Variants in ATRNL1 observed in about 807,000 individuals in gnomAD.
ATRNL1 encodes attractin like 1.
A neutral mutation model predicts 182.7 loss-of-function variants in ATRNL1; 95 were observed. That is an observed-to-expected ratio of 0.52 (90% CI 0.44 to 0.62). The LOEUF (loss-of-function observed/expected upper bound fraction) is 0.62. Ranked by LOEUF, ATRNL1 falls within the 20% of genes least tolerant of loss-of-function variation. The pLI is 0.00. For missense variants in ATRNL1, 1,471 were observed against 1,679.5 expected, an observed-to-expected ratio of 0.88 and a Z score of 2.17; for synonymous variants, 576 against 568.3, an observed-to-expected ratio of 1.01 and a Z score of -0.19.
chr10:115,547,684 A>G (rs1227263294), intron 25 of ATRNL1, among the ~76,000 whole-genome samples: 1 of 152,222 alleles, frequency 6.6e-6, no homozygotes, highest in East Asian at 1.9e-4. Context: ...GGAAGTATTA[A>G]GGAAAACAAA....
At chr10:115,777,402 C>A (rs1949154226) in intron 27 of ATRNL1, among the ~76,000 whole-genome samples, 1 of 151,940 alleles carries the variant, frequency 6.6e-6, no homozygotes, top group Non-Finnish European at 1.5e-5. Context: ...ACTAAAATAT[C>A]AAGTTATTGA....
intron 21 of ATRNL1, among the ~76,000 whole-genome samples, chr10:115,441,172 T>C (rs1479250059): frequency 2.0e-5 from 3 of 151,974 alleles, no homozygotes; most frequent in African/African-American, 7.2e-5. Flanking sequence ...CCATTTCTGC[T>C]TTATCAACAG....
chr10:115,353,354 T>G (rs1856354437), intron 19 of ATRNL1, among the ~76,000 whole-genome samples: 2 of 152,242 alleles, frequency 1.3e-5, no homozygotes, highest in African/African-American at 4.8e-5. Context: ...GTTTTTGCCT[T>G]GAAATCTATT....
intron 26 of ATRNL1, among the ~76,000 whole-genome samples, chr10:115,692,455 G>A (rs1362698386): frequency 1.3e-5 from 2 of 151,996 alleles, no homozygotes; most frequent in Non-Finnish European, 2.9e-5. Flanking sequence ...ACTGTTCTAG[G>A]TACATTACAG....
chr10:115,604,255 T>C (rs1379705226), intron 26 of ATRNL1, among the ~76,000 whole-genome samples: 1 of 152,202 alleles, frequency 6.6e-6, no homozygotes, highest in Non-Finnish European at 1.5e-5. Flanking sequence ...GTTAAGTTAC[T>C]TGTGATTAGG....
intron 19 of ATRNL1, among the ~76,000 whole-genome samples, chr10:115,362,661 C>A (rs1475719820): frequency 6.6e-6 from 1 of 152,018 alleles, no homozygotes; most frequent in Admixed American, 6.6e-5. Context: ...CCAATGCTAT[C>A]CCTCCCACCT....
chr10:115,659,466 C>G (rs1555037076), intron 26 of ATRNL1, among the ~76,000 whole-genome samples: 5 of 152,092 alleles, frequency 3.3e-5, no homozygotes, highest in Admixed American at 1.3e-4. Flanking sequence ...AAGTGTCAGG[C>G]AGTCTCCTGG....
At chr10:115,707,705 A>G (rs907797774) in intron 26 of ATRNL1, among the ~76,000 whole-genome samples, 18 of 151,704 alleles carry the variant, frequency 1.2e-4, no homozygotes, top group African/African-American at 4.3e-4. Context: ...TAATGGTCAT[A>G]TGATATTTTA....
At chr10:115,377,289 T>C (rs1409320951) in intron 19 of ATRNL1, among the ~76,000 whole-genome samples, 1 of 152,046 alleles carries the variant, frequency 6.6e-6, no homozygotes. Context: ...TCTCACGAGG[T>C]CTGATGGTAC....
At chr10:115,540,633 G>A (rs575860393) in intron 25 of ATRNL1, among the ~76,000 whole-genome samples, 35 of 151,808 alleles carry the variant, frequency 2.3e-4, no homozygotes, top group South Asian at 6.2e-4. Flanking sequence ...GGTAGCACAC[G>A]CCTATAATCC....
chr10:115,173,899 TC>T (rs1465408972), intron 8 of ATRNL1, among the ~76,000 whole-genome samples: 1 of 150,726 alleles, frequency 6.6e-6, no homozygotes, highest in East Asian at 1.9e-4. Flanking sequence ...GCTTTGTGAT[TC>T]CTGTTTTTTT....
intron 27 of ATRNL1, among the ~76,000 whole-genome samples, chr10:115,787,591 C>T (rs1208688569): frequency 6.6e-6 from 1 of 152,068 alleles, no homozygotes; most frequent in Non-Finnish European, 1.5e-5. Context: ...TGTCCCACTA[C>T]TTATTAACTA....
intron 27 of ATRNL1, among the ~76,000 whole-genome samples, chr10:115,783,307 A>G (rs1211809597): frequency 6.6e-6 from 1 of 152,028 alleles, no homozygotes; most frequent in Non-Finnish European, 1.5e-5. Context: ...AATGCTTTTA[A>G]TGTTCTAAAT....
Position 115,301,873 on chromosome 10 carries a change from C to T in ATRNL1, c.2648C>T (p.Ala883Val), listed in dbSNP as rs140372621. 75 of 1,605,902 alleles carry T rather than the reference C, an allele frequency of 4.7e-5. No individual in the cohort carries two copies. Among genetic ancestry groups the T allele is most frequent in the African/African-American group, 2.8e-4 (21 of 74,756 alleles). The change falls in exon 17 of 29, where the codon GCG (alanine) becomes GTG (valine). Residue 883 changes from alanine to valine, a missense_variant. Transcript: ENST00000355044. ...ATTCCAGTTAGTCCAAATCAAAATG[C>T]GAGGCCGTGCAAAAAGCCATGCTCT... ...EKPVVSPNQN[A>V]RPCKKPCSLR... is the part of the protein sequence containing the mutation.
intron 19 of ATRNL1, among the ~76,000 whole-genome samples, chr10:115,340,373 C>T (rs1351299363): frequency 6.6e-6 from 1 of 151,840 alleles, no homozygotes; most frequent in Non-Finnish European, 1.5e-5. Flanking sequence ...GATCTCCTGA[C>T]CTTGGCATCT....
intron 24 of ATRNL1, among the ~76,000 whole-genome samples, chr10:115,502,274 G>GT (rs371494904): frequency 4.0e-5 from 6 of 151,506 alleles, no homozygotes; most frequent in East Asian, 1.9e-4. Flanking sequence ...GCCAAATTAT[G>GT]TTTTTTTTGG....
chr10:115,375,561 T>A (rs1857625472), intron 19 of ATRNL1, among the ~76,000 whole-genome samples: 1 of 152,116 alleles, frequency 6.6e-6, no homozygotes, highest in Non-Finnish European at 1.5e-5. Context: ...ACCTTGCTTT[T>A]TACTTTGTGT....
At chr10:115,483,433 A>T (rs1288029791) in intron 24 of ATRNL1, among the ~76,000 whole-genome samples, 6 of 151,480 alleles carry the variant, frequency 4.0e-5, no homozygotes, top group Non-Finnish European at 8.9e-5. Context: ...CATTGCTTAT[A>T]TTTTATTTAA....
At chr10:115,846,100 T>C (rs1394699870) in intron 27 of ATRNL1, among the ~76,000 whole-genome samples, 1 of 152,104 alleles carries the variant, frequency 6.6e-6, no homozygotes, top group African/African-American at 2.4e-5. Flanking sequence ...TTAAATTAAA[T>C]GTAAGCTTTA....
Sources: allele counts gnomAD v4.1 joint callset (sites outside exome capture counted in the v4.1 genomes callset), GRCh38; gene constraint gnomAD v4.1.1; transcripts MANE v1.5; gene names NCBI Gene and HGNC (gene_info 2026-07-23, HGNC 2026-07-21).